The following PRKN variants were observed in gnomAD, a reference collection of about 807,000 sequenced individuals.
PRKN encodes the protein parkin RBR E3 ubiquitin protein ligase.
PRKN carries 56 observed loss-of-function variants against 59.5 expected under a neutral mutation model. The observed-to-expected ratio is 0.94, with a 90% CI of 0.76 to 1.18. The LOEUF is 1.18. Among genes scored for constraint, PRKN ranks in the 50% most tolerant of loss-of-function variants. The pLI is 0.00. For synonymous variants in PRKN, 250 were observed against 222.1 expected (o/e 1.13, Z -1.12); for missense variants, 657 against 596.4 (o/e 1.10, Z -1.06).
At chr6:161,660,220 A>C (rs1784493433) in intron 7 of PRKN, among the ~76,000 whole-genome samples, 1 of 152,180 alleles carries the variant, frequency 6.6e-6, no homozygotes, top group African/African-American at 2.4e-5. Flanking sequence ...TGATTCACGT[A>C]GTACGCATTG....
chr6:161,653,365 CA>C (rs1442773080), intron 7 of PRKN, among the ~76,000 whole-genome samples: 1 of 148,950 alleles, frequency 6.7e-6, no homozygotes, highest in Non-Finnish European at 1.5e-5. Flanking sequence ...TGAATCTTCT[CA>C]AAAACAACAA....
chr6:162,260,177 T>C (rs1779827340), intron 3 of PRKN, among the ~76,000 whole-genome samples: 1 of 151,936 alleles, frequency 6.6e-6, no homozygotes, highest in African/African-American at 2.4e-5. Flanking sequence ...CCATGTAGAG[T>C]TGCCTGAGCC....
At chr6:162,559,301 C>G (rs1204697219) in intron 1 of PRKN, among the ~76,000 whole-genome samples, 3 of 152,138 alleles carry the variant, frequency 2.0e-5, no homozygotes, top group African/African-American at 7.2e-5. Flanking sequence ...GGCCACTAGG[C>G]TGATTTGCAG....
chr6:161,622,266 C>T (rs1338601263), intron 7 of PRKN, among the ~76,000 whole-genome samples: 1 of 152,184 alleles, frequency 6.6e-6, no homozygotes, highest in African/African-American at 2.4e-5. Flanking sequence ...TTGCTTAGGG[C>T]TGTGTAGCCT....
At chr6:162,631,812 G>A (rs996065578) in intron 1 of PRKN, among the ~76,000 whole-genome samples, 1 of 151,924 alleles carries the variant, frequency 6.6e-6, no homozygotes, top group African/African-American at 2.4e-5. Context: ...TCAGAATTAT[G>A]ATAGTTTGAG....
intron 1 of PRKN, among the ~76,000 whole-genome samples, chr6:162,714,094 T>A (rs867069686): frequency 6.6e-6 from 1 of 152,214 alleles, no homozygotes; most frequent in African/African-American, 2.4e-5. Context: ...GTAGATTTTT[T>A]ATTCACACCA....
intron 1 of PRKN, among the ~76,000 whole-genome samples, chr6:162,639,414 T>G (rs1349348866): frequency 6.6e-6 from 1 of 152,224 alleles, no homozygotes; most frequent in African/African-American, 2.4e-5. Flanking sequence ...AAATTAAAAT[T>G]TGAAGAGGTA....
intron 7 of PRKN, among the ~76,000 whole-genome samples, chr6:161,767,386 G>A (rs1032476652): frequency 9.2e-5 from 14 of 152,132 alleles, no homozygotes; most frequent in African/African-American, 1.7e-4. Flanking sequence ...GTGTGGTGGC[G>A]GGCGCCTGTA....
chr6:162,254,290 CTA>C (rs1267256796), intron 3 of PRKN, among the ~76,000 whole-genome samples: 2 of 151,878 alleles, frequency 1.3e-5, no homozygotes, highest in Non-Finnish European at 2.9e-5. Flanking sequence ...AACCCTGTCT[CTA>C]TTAAAAATAC....
intron 3 of PRKN, among the ~76,000 whole-genome samples, chr6:162,235,958 G>GAAAGAAAGA: frequency 1.1e-5 from 1 of 92,666 alleles, no homozygotes; most frequent in African/African-American, 4.0e-5. Context: ...AGGAAGAAAG[G>GAAAGAAAGA]AAGAAAGAAA....
rs1786438483 is a variant in PRKN at position 161,390,061 on chromosome 6, C to T, written c.1084-3184G>A. On this transcript the variant is annotated intron_variant, in intron 9 of 11. Transcript: ENST00000366898. This position sits in a 1 kb window ranked among gnomAD's most constrained non-coding sequence, Gnocchi z 7.0. ...TCACAGGGAGGCACTGGCTAATTTG[C>T]TTCTATTCAAAGTATAATTTAAATT... Among the ~76,000 whole-genome samples, 2 of 152,322 alleles carry T rather than the reference C, an allele frequency of 1.3e-5. No individual in the cohort carries two copies. The highest frequency in any genetic ancestry group is 2.9e-5 in the Non-Finnish European group (2 of 68,016).
intron 2 of PRKN, among the ~76,000 whole-genome samples, chr6:162,365,156 A>G (rs1271969802): frequency 6.6e-6 from 1 of 151,904 alleles, no homozygotes; most frequent in Admixed American, 6.6e-5. Flanking sequence ...AAAATCACAC[A>G]AAAGTGTATA....
chr6:162,347,461 G>C (rs1246248016), intron 2 of PRKN, among the ~76,000 whole-genome samples: 1 of 151,716 alleles, frequency 6.6e-6, no homozygotes, highest in Non-Finnish European at 1.5e-5. Context: ...ACCTAGTTAA[G>C]TTTTCTAACT....
chr6:161,863,157 T>C (rs1583264370), intron 6 of PRKN, among the ~76,000 whole-genome samples: 1 of 152,168 alleles, frequency 6.6e-6, no homozygotes, highest in Non-Finnish European at 1.5e-5. Context: ...GATATTCTTC[T>C]CTATAATGCA....
At chr6:162,516,074 C>A (rs1416344539) in intron 1 of PRKN, among the ~76,000 whole-genome samples, 1 of 152,218 alleles carries the variant, frequency 6.6e-6, no homozygotes, top group Non-Finnish European at 1.5e-5. Context: ...TGCCTGAGGG[C>A]AGCCCTCCCT....
At chr6:162,622,299 TTTTG>T (rs1332560156) in intron 1 of PRKN, among the ~76,000 whole-genome samples, 46 of 141,688 alleles carry the variant, frequency 3.2e-4, no homozygotes, top group African/African-American at 2.7e-4. Flanking sequence ...CTGTTTTTTT[TTTTG>T]TTTTGTTTTT....
At chr6:162,122,892 C>T (rs1780974172) in intron 4 of PRKN, among the ~76,000 whole-genome samples, 1 of 152,000 alleles carries the variant, frequency 6.6e-6, no homozygotes, top group Non-Finnish European at 1.5e-5. Context: ...ACTACTATAT[C>T]TAATAACCCA....
At chr6:161,901,879 C>T (rs9355960) in intron 6 of PRKN, among the ~76,000 whole-genome samples, 41,157 of 151,950 alleles carry the variant, frequency 0.27, 5,765 homozygotes, top group Middle Eastern at 0.35. Flanking sequence ...GCTGCAGCTG[C>T]GAGTGCTTCA....
At chr6:161,757,664 C>G (rs979466739) in intron 7 of PRKN, among the ~76,000 whole-genome samples, 1 of 151,826 alleles carries the variant, frequency 6.6e-6, no homozygotes, top group African/African-American at 2.4e-5. Context: ...ATGGCAAAAT[C>G]CCATCTCTAC....
Sources: allele counts gnomAD v4.1 joint callset (sites outside exome capture counted in the v4.1 genomes callset), GRCh38; gene constraint gnomAD v4.1.1; non-coding constraint Gnocchi (gnomAD v3.1); transcripts MANE v1.5; gene names NCBI Gene and HGNC (gene_info 2026-07-23, HGNC 2026-07-21).